Variants in MICAL2 observed in about 807,000 individuals in gnomAD.
The protein encoded by MICAL2 is microtubule associated monooxygenase, calponin and LIM domain containing 2, also known as [F-actin]-monooxygenase MICAL2.
Under a neutral mutation model 127.3 loss-of-function variants are expected in MICAL2, and 77 were observed. The ratio of observed to expected loss-of-function variants is 0.60; its 90% CI spans 0.50 to 0.73. MICAL2 has a LOEUF of 0.73. Among genes scored for constraint, MICAL2 ranks in the 30% least tolerant of loss-of-function variants. The pLI, the probability that MICAL2 is intolerant of heterozygous loss-of-function variation, is 0.00. For synonymous variants in MICAL2, 570 were observed against 551.1 expected, an observed-to-expected ratio of 1.03 and a Z score of -0.48; for missense variants, 1,351 against 1,434.4, an observed-to-expected ratio of 0.94 and a Z score of 0.94.
At chr11:12,360,912 TTG>T (rs1267237489), downstream of MICAL2, among the ~76,000 whole-genome samples, 1 of 151,978 alleles carries the variant, frequency 6.6e-6, no homozygotes, top group Non-Finnish European at 1.5e-5. Context: ...GACACAAATA[TTG>T]TGTCTGTTGA....
Position 12,227,069 on chromosome 11 carries a change from G to C in MICAL2, c.1933G>C (p.Ala645Pro), listed in dbSNP as rs778112222. 6.2e-7 allele frequency: 1 copy of C among 1,614,076 alleles called. No individual in the cohort carries two copies. Among genetic ancestry groups the C allele is most frequent in the Non-Finnish European group, 8.5e-7 (1 of 1,179,980 alleles). ...NYGENADLSL[A>P]KSSISNNYLN... Reference sequence around the variant, plus strand: ...TGGAGAAAATGCTGACCTCAGCTTGGCCAAATCATCCATTTCTAATAACTA... The same window carrying C: ...TGGAGAAAATGCTGACCTCAGCTTGCCCAAATCATCCATTTCTAATAACTA... Residue 645 changes from alanine to proline, a missense_variant, in exon 15 of 28, where the codon GCC becomes CCC. Ala to Pro is a conservative substitution (Grantham distance 27). Transcript: ENST00000683283.
At chr11:12,192,232 G>C (rs530021334) in intron 3 of MICAL2, among the ~76,000 whole-genome samples, 1 of 152,184 alleles carries the variant, frequency 6.6e-6, no homozygotes, top group Admixed American at 6.5e-5. Context: ...GTGCACACAC[G>C]TGCAAGTGCA....
chr11:12,180,159 T>C (rs1451622914), intron 3 of MICAL2, among the ~76,000 whole-genome samples: 5 of 151,786 alleles, frequency 3.3e-5, no homozygotes, highest in Non-Finnish European at 7.4e-5. Context: ...GTGACTACCT[T>C]GTATTGTCTA....
intron 18 of MICAL2, among the ~76,000 whole-genome samples, chr11:12,241,728 T>C (rs1341581280): frequency 6.6e-6 from 1 of 152,186 alleles, no homozygotes; most frequent in Non-Finnish European, 1.5e-5. Flanking sequence ...AGCCACAAAG[T>C]TGTCTGGTCA....
chr11:12,241,144 ACCT>A lies in MICAL2; in HGVS notation c.2324_2326del (p.Pro775del), dbSNP rs1859883934. On this transcript the variant is annotated inframe_deletion, in exon 18 of 28. Transcript: ENST00000683283. Reference sequence around the variant, plus strand: ...CGGAGGAGGCCACACCCAGCCCATCACCTCCTCTGAAAAGGCAGGTAGGGCTCC... The same window carrying A: ...CGGAGGAGGCCACACCCAGCCCATCACCTCTGAAAAGGCAGGTAGGGCTCC... 6.2e-7 allele frequency: 1 copy of A among 1,613,186 alleles called. No homozygotes were observed. The highest frequency in any genetic ancestry group is 2.2e-5 in the East Asian group (1 of 44,802).
intron 29 of MICAL2, among the ~76,000 whole-genome samples, chr11:12,314,566 T>A: frequency 6.6e-6 from 1 of 151,580 alleles, no homozygotes; most frequent in East Asian, 1.9e-4. Context: ...GAAAGTTCCG[T>A]CTCCTGGGTT....
intron 29 of MICAL2, chr11:12,308,051 T>A (rs1005663932): frequency 6.6e-6 from 1 of 151,816 alleles, no homozygotes; most frequent in Non-Finnish European, 1.5e-5. Flanking sequence ...CCTGGCTAAT[T>A]AAAAAACAAT....
At chr11:12,224,358 G>C (rs150089636) in intron 12 of MICAL2, 365 of 305,174 alleles carry the variant, frequency 1.2e-3, no homozygotes, top group Non-Finnish European at 1.7e-3. Flanking sequence ...TTGCAGCACT[G>C]TGTCATCATC....
At chr11:12,195,119 T>G (rs1444885977) in intron 3 of MICAL2, among the ~76,000 whole-genome samples, 1 of 152,068 alleles carries the variant, frequency 6.6e-6, no homozygotes, top group East Asian at 1.9e-4. Context: ...TAGCCAGGTG[T>G]GGTGGTGTGT....
At chr11:12,318,156 G>A (rs1220005936) in intron 29 of MICAL2, among the ~76,000 whole-genome samples, 1 of 152,134 alleles carries the variant, frequency 6.6e-6, no homozygotes, top group Non-Finnish European at 1.5e-5. Context: ...ATTGCGCTAG[G>A]CACTTTACAC....
At chr11:12,152,963 T>G (rs188068700) in intron 2 of MICAL2, among the ~76,000 whole-genome samples, 29 of 152,112 alleles carry the variant, frequency 1.9e-4, no homozygotes, top group Admixed American at 1.0e-3. Flanking sequence ...TTTTTTTTTT[T>G]GTTTGCATTT....
At chr11:12,112,582 T>C (rs1212242654) in intron 1 of MICAL2, among the ~76,000 whole-genome samples, 3 of 152,120 alleles carry the variant, frequency 2.0e-5, no homozygotes, top group African/African-American at 7.2e-5. Context: ...TGTAGTGTTA[T>C]GGTTGTGGGG....
chr11:12,300,027 G>A (rs1343497822), intron 29 of MICAL2, among the ~76,000 whole-genome samples: 1 of 152,144 alleles, frequency 6.6e-6, no homozygotes, highest in Non-Finnish European at 1.5e-5. Context: ...GGGCATGGTG[G>A]CTCACAAATG....
intron 22 of MICAL2, among the ~76,000 whole-genome samples, chr11:12,250,713 G>T (rs10831772): frequency 6.6e-6 from 1 of 152,042 alleles, no homozygotes; most frequent in Admixed American, 6.5e-5. Context: ...CAGTCCCATG[G>T]GACTTTGAAA....
At chr11:12,319,329 A>G (rs2134837692) in intron 29 of MICAL2, among the ~76,000 whole-genome samples, 1 of 152,282 alleles carries the variant, frequency 6.6e-6, no homozygotes, top group Middle Eastern at 3.4e-3. Flanking sequence ...AGGTAACTCA[A>G]CTAACTTCAG....
chr11:12,311,838 A>T (rs1276308505), intron 29 of MICAL2, among the ~76,000 whole-genome samples: 1 of 152,218 alleles, frequency 6.6e-6, no homozygotes, highest in African/African-American at 2.4e-5. Flanking sequence ...TTTATTAAAC[A>T]TTGGGAAACA....
intron 1 of MICAL2, among the ~76,000 whole-genome samples, chr11:12,132,540 T>A (rs1253592814): frequency 1.3e-5 from 2 of 152,228 alleles, no homozygotes; most frequent in African/African-American, 4.8e-5. Flanking sequence ...CCCCCATGAC[T>A]GGGGCAACCA....
chr11:12,149,861 G>A (rs1481160750), intron 2 of MICAL2, among the ~76,000 whole-genome samples: 1 of 152,200 alleles, frequency 6.6e-6, no homozygotes, highest in African/African-American at 2.4e-5. Flanking sequence ...ACAGATACTG[G>A]TTGAACTGTA....
chr11:12,242,793 G>A (rs776954382), intron 20 of MICAL2, 21 bp downstream of exon 20: 1 of 1,571,058 alleles, frequency 6.4e-7, no homozygotes, highest in Non-Finnish European at 8.7e-7. Context: ...GGCTTTCAGA[G>A]CCCCCAGGAA....
Sources: gnomAD v4.1 joint callset for allele counts (sites outside exome capture counted in the v4.1 genomes callset) on GRCh38, gnomAD v4.1.1 for gene constraint, MANE v1.5 for transcripts, NCBI Gene and HGNC (gene_info 2026-07-23, HGNC 2026-07-21) for gene names.